LCA5: variants seen among roughly 807,000 people sequenced by gnomAD.
LCA5 encodes lebercilin LCA5, also known as lebercilin.
LCA5 carries 37 observed loss-of-function variants against 53.0 expected under a neutral mutation model. The ratio of observed to expected loss-of-function variants is 0.70; its 90% CI spans 0.54 to 0.92. The LOEUF (loss-of-function observed/expected upper bound fraction) is 0.92, where lower values mean the gene tolerates loss of function less well. LCA5 is among the 40% of genes least tolerant of loss of function. The probability of loss-of-function intolerance (pLI) is 0.00; values close to 1 mark genes in which losing one functional copy is unlikely to be tolerated. For missense variants in LCA5, 806 were observed against 790.5 expected, an observed-to-expected ratio of 1.02 and a Z score of -0.23; for synonymous variants, 303 against 282.9, an observed-to-expected ratio of 1.07 and a Z score of -0.71.
At chr6:79,495,725 T>C (rs1211102987) in intron 3 of LCA5, among the ~76,000 whole-genome samples, 3 of 135,488 alleles carry the variant, frequency 2.2e-5, no homozygotes, top group African/African-American at 8.4e-5. Context: ...CACTCCAGCC[T>C]GGGTGACAGA....
chr6:79,516,691 A>G (rs1327873020), intron 2 of LCA5, among the ~76,000 whole-genome samples: 1 of 151,960 alleles, frequency 6.6e-6, no homozygotes, highest in Non-Finnish European at 1.5e-5. Context: ...TCAAGTGCTA[A>G]TAAGAGTAAG....
chr6:79,487,702 T>C lies in LCA5; in HGVS notation c.1396A>G (p.Met466Val). ...ATTTCATTCAGTTTAGCAAGTAGCA[T>C]TTCTCTCTTCAGTCTTTCTTCTTCC... ...GEEEERLKRE[M>V]LLAKLNEIDR... Residue 466 changes from methionine (M) to valine (V), a missense_variant, in exon 8 of 8, where the codon ATG (methionine) becomes GTG (valine). Met to Val is a conservative substitution (Grantham distance 21). Coordinates refer to ENST00000369846, the MANE Select transcript of LCA5 (RefSeq NM_001122769.3). The C allele has an allele frequency of 1.2e-6, 2 of 1,613,888 alleles. No homozygotes were observed. The highest frequency in any genetic ancestry group is 1.7e-6 in the Non-Finnish European group (2 of 1,179,822).
chr6:79,500,916 CAT>C (rs141793954), intron 3 of LCA5, among the ~76,000 whole-genome samples: 11,637 of 152,024 alleles, frequency 0.077, 628 homozygotes, highest in Non-Finnish European at 0.12. Context: ...TGTTTGCCTC[CAT>C]ATGTCAGTTT....
intron 3 of LCA5, among the ~76,000 whole-genome samples, chr6:79,497,619 T>C (rs1003833325): frequency 9.9e-5 from 15 of 151,938 alleles, no homozygotes; most frequent in African/African-American, 3.6e-4. Context: ...GCTAGAAAGG[T>C]GGACAATTCA....
intron 6 of LCA5, among the ~76,000 whole-genome samples, chr6:79,490,989 T>C (rs1234960684): frequency 1.3e-5 from 2 of 151,906 alleles, no homozygotes; most frequent in Non-Finnish European, 2.9e-5. Flanking sequence ...CAGATTCCAC[T>C]GCAATTACCT....
At chr6:79,513,999 A>C (rs1766346983) in intron 2 of LCA5, among the ~76,000 whole-genome samples, 1 of 152,272 alleles carries the variant, frequency 6.6e-6, no homozygotes, top group East Asian at 1.9e-4. Flanking sequence ...AAAAGACAGC[A>C]GTATCAGGCT....
intron 3 of LCA5, among the ~76,000 whole-genome samples, chr6:79,504,689 T>C (rs1770230365): frequency 1.3e-5 from 2 of 152,170 alleles, no homozygotes; most frequent in Admixed American, 1.3e-4. Flanking sequence ...GAAGGCAGCT[T>C]TAGGCTAAAC....
chr6:79,497,528 T>C (rs6915859), intron 3 of LCA5, among the ~76,000 whole-genome samples: 14,313 of 151,886 alleles, frequency 0.094, 1,502 homozygotes, highest in East Asian at 0.54. Flanking sequence ...TGAAAAGGGG[T>C]ATGGAGCTGT....
chr6:79,517,717 C>T (rs961788638), intron 2 of LCA5, among the ~76,000 whole-genome samples: 2 of 152,164 alleles, frequency 1.3e-5, no homozygotes, highest in African/African-American at 4.8e-5. Context: ...AATACATATT[C>T]TTTGCAGTTT....
upstream of LCA5, among the ~76,000 whole-genome samples, chr6:79,538,049 T>TTTTTTTTTTTTTTTTTTTG: frequency 8.2e-6 from 1 of 121,358 alleles, no homozygotes; most frequent in Non-Finnish European, 1.7e-5. Flanking sequence ...TTTTTTTTTT[T>TTTTTTTTTTTTTTTTTTTG]TTTTTAAGGA....
At chr6:79,503,903 T>A (rs1027022420) in intron 3 of LCA5, among the ~76,000 whole-genome samples, 3 of 152,242 alleles carry the variant, frequency 2.0e-5, no homozygotes, top group African/African-American at 7.2e-5. Context: ...CTAAAATTTT[T>A]AAAATTTGAC....
At position 79,519,076 on chromosome 6, in the gene LCA5, CT is replaced by C. The variant is rs1191859457; in HGVS notation, c.-183del. 2 of 681,264 alleles carry C rather than the reference CT, an allele frequency of 2.9e-6. No homozygotes were observed. The highest frequency in any genetic ancestry group is 5.1e-6 in the Non-Finnish European group (2 of 394,584). The allele number at this position is 681,264 out of a possible 1,614,324, so 42.2% of individuals were successfully genotyped here. The stretch of plus-strand genomic sequence containing the variant: ...TTCACATTGGCATCCAGAAGATAAA[CT>C]TTTTTGCCCTGAAATTAAGGAAGGG... On this transcript the variant is annotated 5_prime_UTR_variant, in exon 2 of 8. Coordinates refer to ENST00000369846, the MANE Select transcript of LCA5 (RefSeq NM_001122769.3).
At chr6:79,515,700 G>C (rs949945919) in intron 2 of LCA5, among the ~76,000 whole-genome samples, 2 of 151,958 alleles carry the variant, frequency 1.3e-5, no homozygotes, top group African/African-American at 4.8e-5. Context: ...ATCAGCCATG[G>C]ATACTTGATT....
Position 79,492,593 on chromosome 6 carries a change from A to C in LCA5, c.913T>G (p.Ser305Ala), listed in dbSNP as rs772915742. The C allele has an allele frequency of 1.8e-5, 29 of 1,570,508 alleles. No homozygotes were observed. Among genetic ancestry groups the C allele is most frequent in the Non-Finnish European group, 2.5e-5 (29 of 1,146,118 alleles). Residue 305 changes from serine (S) to alanine (A), a missense_variant, in exon 5 of 8, where the codon TCC (serine) becomes GCC (alanine). By Grantham distance (99) the Ser-to-Ala change is moderately conservative. Transcript: ENST00000369846. ...KNIYSNRLPK[S>A]SPNKEKELAL... ...AGTTCTTTCTCTTTATTTGGAGAGG[A>C]CTTTGGCAGACGATTAGAATATATA...
chr6:79,488,778 C>T (rs2655672), intron 7 of LCA5: 161,889 of 486,826 alleles, frequency 0.33, 28,224 homozygotes, highest in African/African-American at 0.52. Context: ...GTAAGAACAC[C>T]ACAAGTATAG....
At position 79,489,163 on chromosome 6, in the gene LCA5, TG is replaced by T. The variant is rs386834252; in HGVS notation, c.1151del (p.Pro384GlnfsTer18). The T allele has an allele frequency of 6.8e-6, 11 of 1,613,034 alleles. No individual in the cohort carries two copies. The South Asian group carries it at 1.1e-4, about 16-fold the overall frequency. On this transcript the variant is annotated frameshift_variant, in exon 7 of 8. Coordinates refer to ENST00000369846, the MANE Select transcript of LCA5 (RefSeq NM_001122769.3). LOFTEE classifies it high-confidence loss of function. ...CAAATTTTTCTTCTCTTTCCATAATTGGGTTTAGAATCCCTGCTTCTCCATG... is the reference window on the plus strand; with the variant it reads ...CAAATTTTTCTTCTCTTTCCATAATTGGTTTAGAATCCCTGCTTCTCCATG... ...DRHGEAGILN[P>X]IMEREEKFVT...
At chr6:79,490,926 G>C (rs1180175797) in intron 6 of LCA5, among the ~76,000 whole-genome samples, 3 of 151,942 alleles carry the variant, frequency 2.0e-5, no homozygotes, top group African/African-American at 7.2e-5. Flanking sequence ...CCTTTTAAAT[G>C]AAAGTCCAAC....
intron 1 of LCA5, among the ~76,000 whole-genome samples, chr6:79,526,119 A>C (rs1766779453): frequency 6.6e-6 from 1 of 152,200 alleles, no homozygotes; most frequent in Non-Finnish European, 1.5e-5. Flanking sequence ...CATTCAAGTA[A>C]ATTTCACAGA....
At chr6:79,502,684 C>T (rs867111946) in intron 3 of LCA5, among the ~76,000 whole-genome samples, 1 of 152,036 alleles carries the variant, frequency 6.6e-6, no homozygotes, top group Middle Eastern at 3.4e-3. Context: ...TATTTTAATT[C>T]CTGCTGTCAT....
Sources: gnomAD v4.1 joint callset for allele counts (sites outside exome capture counted in the v4.1 genomes callset) on GRCh38, gnomAD v4.1.1 for gene constraint, MANE v1.5 for transcripts, NCBI Gene and HGNC (gene_info 2026-07-23, HGNC 2026-07-21) for gene names.